Variants in PRKCA observed in about 807,000 individuals in gnomAD.
PRKCA encodes protein kinase C alpha.
In PRKCA, 27 loss-of-function variants were observed where a neutral mutation model predicts 87.0. The observed-to-expected ratio is 0.31, with a 90% CI of 0.23 to 0.43. PRKCA has a LOEUF of 0.43. Among genes scored for constraint, PRKCA ranks in the 20% least tolerant of loss-of-function variants. The pLI, the probability that PRKCA is intolerant of heterozygous loss-of-function variation, is 1.00. For synonymous variants in PRKCA, 329 were observed against 311.1 expected, an observed-to-expected ratio of 1.06 and a Z score of -0.61; for missense variants, 518 against 852.3, an observed-to-expected ratio of 0.61 and a Z score of 4.88.
intron 3 of PRKCA, among the ~76,000 whole-genome samples, chr17:66,611,198 C>A (rs1465358846): frequency 6.6e-6 from 1 of 152,152 alleles, no homozygotes; most frequent in East Asian, 1.9e-4. Flanking sequence ...AGATACAATT[C>A]ATGTACCCAT....
At chr17:66,641,758 A>C (rs558200227) in intron 4 of PRKCA, among the ~76,000 whole-genome samples, 1 of 151,466 alleles carries the variant, frequency 6.6e-6, no homozygotes, top group Non-Finnish European at 1.5e-5. Flanking sequence ...CAATCACTGT[A>C]AAATATAGCC....
intron 3 of PRKCA, among the ~76,000 whole-genome samples, chr17:66,553,478 G>T (rs1968404340): frequency 6.6e-6 from 1 of 152,296 alleles, no homozygotes; most frequent in Non-Finnish European, 1.5e-5. Context: ...CCCTGCCAGA[G>T]GTAAAGAGCT....
chr17:66,388,827 G>A (rs1910208935), intron 2 of PRKCA, among the ~76,000 whole-genome samples: 1 of 152,176 alleles, frequency 6.6e-6, no homozygotes. Context: ...CAGAGTTGGA[G>A]ACAGTGTACC....
chr17:66,752,717 A>G (rs886077345), intron 13 of PRKCA, among the ~76,000 whole-genome samples: 1 of 152,230 alleles, frequency 6.6e-6, no homozygotes, highest in African/African-American at 2.4e-5. Context: ...GGAGGGCCCA[A>G]GGTATCTTCC....
intron 4 of PRKCA, 108 bp downstream of exon 4, chr17:66,641,574 G>A: frequency 1.5e-6 from 1 of 645,738 alleles, no homozygotes; most frequent in Non-Finnish European, 2.7e-6. Context: ...CTTCAGTAGA[G>A]GGAATTAGTT....
At chr17:66,557,678 A>G (rs1968541859) in intron 3 of PRKCA, among the ~76,000 whole-genome samples, 1 of 152,174 alleles carries the variant, frequency 6.6e-6, no homozygotes, top group South Asian at 2.1e-4. Context: ...GATGCTTTAT[A>G]GTAGAGCCCA....
rs940620759 is a variant in PRKCA, at chr17:66,804,913, ACC to A, written c.*880_*881del. 1 of 843,678 alleles carries A rather than the reference ACC, an allele frequency of 1.2e-6. No individual in the cohort carries two copies. Among genetic ancestry groups the A allele is most frequent in the Non-Finnish European group, 1.4e-6 (1 of 703,258 alleles). The allele number at this position is 843,678 out of a possible 1,614,324, so 52.3% of individuals were successfully genotyped here. A position where few individuals can be genotyped will look rare whatever the true frequency, so the allele number is the denominator to read the frequency against. ...TCACCAGTGTTGTTCACCAACACCC[ACC>A]CCCACACACACCAACATTTTGCTGC... On this transcript the variant is annotated 3_prime_UTR_variant, in exon 17 of 17. Coordinates refer to ENST00000413366, the MANE Select transcript of PRKCA (RefSeq NM_002737.3).
Position 66,370,554 on chromosome 17 carries a change from T to C in PRKCA, c.205+64427T>C, listed in dbSNP as rs528879830. Among the ~76,000 whole-genome samples, 249 of 140,366 alleles carry C rather than the reference T, an allele frequency of 1.8e-3. 1 individual carries two copies. Among genetic ancestry groups the C allele is most frequent in the African/African-American group, 5.1e-3 (182 of 35,770 alleles). The allele number at this position is 140,366 out of a possible 152,430, so 92.1% of individuals were successfully genotyped here. On this transcript the variant is annotated intron_variant, in intron 2 of 16. Transcript: ENST00000413366. Reference sequence around the variant, plus strand: ...TATTTTTTTTCTTTTCTTTTCTTTTTTTTTTTTTTTTTTTTGAGACAGGGT... The same window carrying C: ...TATTTTTTTTCTTTTCTTTTCTTTTCTTTTTTTTTTTTTTTGAGACAGGGT...
chr17:66,729,177 C>T (rs533891586), intron 8 of PRKCA, among the ~76,000 whole-genome samples: 2 of 152,006 alleles, frequency 1.3e-5, no homozygotes, highest in African/African-American at 2.4e-5. Flanking sequence ...TTTGGGAGGC[C>T]GAGGCAGATG....
chr17:66,539,342 T>G lies in PRKCA; in HGVS notation c.288+43059T>G, dbSNP rs1967898849. 2.6e-5 allele frequency among the ~76,000 whole-genome samples: 4 copies of G among 152,230 alleles called. No homozygotes were observed. The South Asian group carries it at 8.3e-4, about 31-fold the overall frequency. ...CAATACTTTTCTAATTTGTGAGTTA[T>G]TCTTACGTTTCCCTTTTGCAAGGCT... On this transcript the variant is annotated intron_variant, in intron 3 of 16. Transcript: ENST00000413366.
chr17:66,642,811 G>A (rs1598839213), intron 4 of PRKCA, among the ~76,000 whole-genome samples: 1 of 152,190 alleles, frequency 6.6e-6, no homozygotes, highest in Admixed American at 6.5e-5. Flanking sequence ...GGGAGGCCGA[G>A]GCGGGAGGAT....
intron 2 of PRKCA, among the ~76,000 whole-genome samples, chr17:66,470,672 C>A (rs760980897): frequency 6.6e-6 from 1 of 152,124 alleles, no homozygotes; most frequent in Non-Finnish European, 1.5e-5. Flanking sequence ...GTCAGCCCTT[C>A]GTTTCAATAC....
chr17:66,684,304 T>C (rs547822291), intron 5 of PRKCA, among the ~76,000 whole-genome samples: 3 of 152,342 alleles, frequency 2.0e-5, no homozygotes, highest in East Asian at 3.9e-4. Context: ...GAAGGAGATA[T>C]AATTTTCCAG....
chr17:66,436,714 G>A (rs1913412747), intron 2 of PRKCA, among the ~76,000 whole-genome samples: 1 of 152,190 alleles, frequency 6.6e-6, no homozygotes, highest in Non-Finnish European at 1.5e-5. Context: ...TCAACGCTGT[G>A]CCTTGGGAAA....
intron 2 of PRKCA, among the ~76,000 whole-genome samples, chr17:66,377,721 A>T (rs12937056): frequency 0.13 from 8,828 of 69,456 alleles, 952 homozygotes; most frequent in African/African-American, 0.21. Context: ...ATATATATAT[A>T]TTTTTTTTTT....
At chr17:66,532,474 T>C (rs1199857644) in intron 3 of PRKCA, among the ~76,000 whole-genome samples, 2 of 151,984 alleles carry the variant, frequency 1.3e-5, no homozygotes. Flanking sequence ...TGAGCAATTC[T>C]TGTGCTTCCA....
chr17:66,680,032 A>G (rs1487382534), intron 5 of PRKCA, among the ~76,000 whole-genome samples: 1 of 152,164 alleles, frequency 6.6e-6, no homozygotes, highest in Non-Finnish European at 1.5e-5. Context: ...GTTCGAAGTC[A>G]TTTTTTATTC....
At chr17:66,779,100 A>G (rs1278016825) in intron 14 of PRKCA, among the ~76,000 whole-genome samples, 3 of 152,208 alleles carry the variant, frequency 2.0e-5, no homozygotes, top group African/African-American at 4.8e-5. Flanking sequence ...TCCAAGCTTC[A>G]GCAATCCCAG....
chr17:66,455,659 C>T (rs1459768455), intron 2 of PRKCA, among the ~76,000 whole-genome samples: 1 of 152,176 alleles, frequency 6.6e-6, no homozygotes, highest in Non-Finnish European at 1.5e-5. Context: ...TTTTGATTAA[C>T]TGGGATCTTA....
Sources: gnomAD v4.1 joint callset for allele counts (sites outside exome capture counted in the v4.1 genomes callset) on GRCh38, gnomAD v4.1.1 for gene constraint, MANE v1.5 for transcripts, NCBI Gene and HGNC (gene_info 2026-07-23, HGNC 2026-07-21) for gene names.